Variants in GLP2R observed in about 807,000 individuals in gnomAD.
The protein encoded by GLP2R is glucagon-like peptide 2 receptor.
In GLP2R, 59 loss-of-function variants were observed where a neutral mutation model predicts 68.2. The observed-to-expected ratio is 0.87, with a 90% CI of 0.70 to 1.07. The LOEUF (loss-of-function observed/expected upper bound fraction) is 1.07. Among genes scored for constraint, GLP2R ranks in the 50% least tolerant of loss-of-function variants. The pLI is 0.00. For synonymous variants in GLP2R, 270 were observed against 265.4 expected, an observed-to-expected ratio of 1.02 and a Z score of -0.17; for missense variants, 548 against 677.4, an observed-to-expected ratio of 0.81 and a Z score of 2.12.
chr17:9,852,931 T>A, intron 4 of GLP2R: 1 of 493,136 alleles, frequency 2.0e-6, no homozygotes, highest in South Asian at 1.8e-5. Context: ...CACATTCTTC[T>A]CCTCTTCATC....
intron 5 of GLP2R, among the ~76,000 whole-genome samples, chr17:9,856,355 C>G (rs1192549427): frequency 1.3e-5 from 2 of 152,194 alleles, no homozygotes; most frequent in Admixed American, 6.5e-5. Flanking sequence ...AAATAGCCCC[C>G]AGTCTAGTTA....
intron 6 of GLP2R, among the ~76,000 whole-genome samples, chr17:9,858,898 T>C (rs76211420): frequency 6.6e-6 from 1 of 152,216 alleles, no homozygotes; most frequent in Non-Finnish European, 1.5e-5. Flanking sequence ...TTCTCAACTT[T>C]ATTGGACTTT....
chr17:9,859,905 A>G, intron 6 of GLP2R, 37 bp from the exon 7 acceptor site: 1 of 1,402,288 alleles, frequency 7.1e-7, no homozygotes, highest in Non-Finnish European at 9.5e-7. Context: ...GATGCAGGGG[A>G]GCCTGGACTC....
chr17:9,846,154 C>T (rs1029499505), intron 4 of GLP2R, among the ~76,000 whole-genome samples: 9 of 152,124 alleles, frequency 5.9e-5, no homozygotes, highest in Non-Finnish European at 1.0e-4. Flanking sequence ...ATCAAGTACG[C>T]TTTGATGTAT....
intron 4 of GLP2R, chr17:9,852,956 C>A: frequency 4.1e-6 from 2 of 489,400 alleles, no homozygotes; most frequent in South Asian, 1.9e-5. Flanking sequence ...GACTCTGCAT[C>A]TTCCTAAGTG....
In GLP2R at chr17:9,878,224, C is replaced by T. The variant is rs184132918; in HGVS notation, c.1146-2154C>T. Among the ~76,000 whole-genome samples, 78 of 152,298 alleles carry T rather than the reference C, an allele frequency of 5.1e-4. No homozygotes were observed. In the East Asian group the frequency reaches 0.013, roughly 25 times the overall value. ...ACAGCCATTGCCCAGCTGTAACCAACGATTGCCATGCAAGAATTTGAGCCC... is the reference window on the plus strand; with the variant it reads ...ACAGCCATTGCCCAGCTGTAACCAATGATTGCCATGCAAGAATTTGAGCCC... On this transcript the variant is annotated intron_variant, in intron 10 of 12. Transcript: ENST00000262441.
intron 5 of GLP2R, among the ~76,000 whole-genome samples, chr17:9,855,013 TA>T (rs1447562167): frequency 6.6e-6 from 1 of 151,452 alleles, no homozygotes; most frequent in African/African-American, 2.4e-5. Context: ...GCACATAATT[TA>T]AAACTCATGA....
intron 9 of GLP2R, among the ~76,000 whole-genome samples, chr17:9,863,790 G>A (rs565960436): frequency 1.8e-4 from 27 of 152,234 alleles, no homozygotes; most frequent in Non-Finnish European, 3.5e-4. Context: ...TCCAGCCCTA[G>A]CCAACACCAT....
At chr17:9,837,091 G>A (rs746722841) in intron 3 of GLP2R, among the ~76,000 whole-genome samples, 2 of 152,016 alleles carry the variant, frequency 1.3e-5, no homozygotes, top group Non-Finnish European at 2.9e-5. Flanking sequence ...CTGACCTCAG[G>A]TGATCCACCC....
rs140277329 is a variant in GLP2R, at chr17:9,860,023, C to T, written c.847C>T (p.Leu283Phe). Residue 283 changes from leucine to phenylalanine, a missense_variant, in exon 7 of 13, where the codon CTC becomes TTC. Transcript: ENST00000262441. ...ANYLWLLVEG[L>F]YLHTLLEPTV... The stretch of plus-strand genomic sequence containing the variant: ...TTACTTATGGCTGCTGGTTGAAGGC[C>T]TCTACCTCCACACGCTGCTGGAGCC... The T allele has an allele frequency of 1.2e-6, 2 of 1,613,712 alleles. No homozygotes were observed. Among genetic ancestry groups the T allele is most frequent in the Non-Finnish European group, 1.7e-6 (2 of 1,179,902 alleles).
At chr17:9,880,155 C>T (rs2067182376) in intron 10 of GLP2R, among the ~76,000 whole-genome samples, 1 of 152,154 alleles carries the variant, frequency 6.6e-6, no homozygotes, top group Admixed American at 6.5e-5. Flanking sequence ...TTCATTCATT[C>T]AATTCATGTT....
At position 9,861,637 on chromosome 17, in the gene GLP2R, G is replaced by A. The variant is rs186217019; in HGVS notation, c.987-384G>A. 3.5e-3 allele frequency among the ~76,000 whole-genome samples: 534 copies of A among 152,294 alleles called. 6 individuals carry two copies. The highest frequency in any genetic ancestry group is 0.013 in the African/African-American group (522 of 41,562). On this transcript the variant is annotated intron_variant, in intron 8 of 12. Transcript: ENST00000262441. ...AGTTCGTTATTATGGGAACTTTTAG[G>A]CACTGATTCTCAACAGCCTGTTTTA...
Position 9,859,975 on chromosome 17 carries a change from T to C in GLP2R, c.799T>C (p.Leu267=). The C allele has an allele frequency of 6.2e-7, 1 of 1,613,054 alleles. No individual in the cohort carries two copies. Among genetic ancestry groups the C allele is most frequent in the Non-Finnish European group, 8.5e-7 (1 of 1,179,834 alleles). ...STSCRSVQVL[L]HYFVGANYLW... ...CTCCTGCCGCTCAGTCCAGGTTCTC[T>C]TGCATTACTTTGTGGGTGCCAATTA... The change falls in exon 7 of 13, where the codon TTG becomes CTG. Residue 267 remains leucine (L), a synonymous_variant. Transcript: ENST00000262441.
intron 3 of GLP2R, among the ~76,000 whole-genome samples, chr17:9,840,128 C>T (rs12602242): frequency 0.038 from 5,785 of 152,148 alleles, 283 homozygotes; most frequent in African/African-American, 0.1. Flanking sequence ...AGGCACACAT[C>T]ACCATACCAA....
intron 3 of GLP2R, among the ~76,000 whole-genome samples, 175 bp from the exon 4 acceptor site, chr17:9,842,320 T>C (rs2066794724): frequency 6.6e-6 from 1 of 152,172 alleles, no homozygotes; most frequent in Non-Finnish European, 1.5e-5. Flanking sequence ...TGTTACAAAA[T>C]TGAGAAGCTT....
At chr17:9,873,430 A>G (rs1417978745) in intron 10 of GLP2R, among the ~76,000 whole-genome samples, 2 of 152,084 alleles carry the variant, frequency 1.3e-5, no homozygotes, top group African/African-American at 4.8e-5. Flanking sequence ...TGTGAGCCCT[A>G]CCACTGGGTA....
chr17:9,869,731 G>A (rs974984537), intron 9 of GLP2R, among the ~76,000 whole-genome samples: 2 of 151,450 alleles, frequency 1.3e-5, no homozygotes, highest in African/African-American at 4.8e-5. Flanking sequence ...AGAAACCTAA[G>A]AGAGAGAGAG....
intron 5 of GLP2R, among the ~76,000 whole-genome samples, chr17:9,856,807 GTAA>G (rs1384902475): frequency 6.6e-6 from 1 of 152,154 alleles, no homozygotes; most frequent in Non-Finnish European, 1.5e-5. Context: ...TAAAATCAGG[GTAA>G]TAATAATTCC....
At chr17:9,883,968 T>C (rs894164092) in intron 11 of GLP2R, among the ~76,000 whole-genome samples, 2 of 152,136 alleles carry the variant, frequency 1.3e-5, no homozygotes, top group African/African-American at 4.8e-5. Context: ...AAAGGCTATG[T>C]GTAGGTTTTT....
Sources: allele counts gnomAD v4.1 joint callset (sites outside exome capture counted in the v4.1 genomes callset), GRCh38; gene constraint gnomAD v4.1.1; transcripts MANE v1.5; gene names NCBI Gene and HGNC (gene_info 2026-07-23, HGNC 2026-07-21).